The following PHACTR1 variants were observed in gnomAD, a reference collection of about 807,000 sequenced individuals.
PHACTR1 encodes the protein RPEL repeat containing 1.
A neutral mutation model predicts 69.2 loss-of-function variants in PHACTR1; 16 were observed. The observed-to-expected ratio is 0.23, with a 90% CI of 0.16 to 0.35. The LOEUF is 0.35. Among genes scored for constraint, PHACTR1 ranks in the 10% least tolerant of loss-of-function variants. The pLI is 1.00. For missense variants in PHACTR1, 510 were observed against 734.7 expected (o/e 0.69, Z 3.54); for synonymous variants, 312 against 284.5 (o/e 1.10, Z -0.97).
At chr6:13,028,207 C>T (rs1392608175) in intron 4 of PHACTR1, among the ~76,000 whole-genome samples, 27 of 152,198 alleles carry the variant, frequency 1.8e-4, no homozygotes, top group African/African-American at 2.4e-5. Flanking sequence ...TAATGTGCTG[C>T]GTTAGAATCT....
chr6:12,759,925 G>A (rs566958650), intron 4 of PHACTR1, among the ~76,000 whole-genome samples: 4 of 152,288 alleles, frequency 2.6e-5, no homozygotes, highest in Non-Finnish European at 5.9e-5. Context: ...GTATGACTTT[G>A]AGCAAGGCAT....
intron 4 of PHACTR1, among the ~76,000 whole-genome samples, chr6:12,977,179 TG>T (rs981811998): frequency 6.6e-6 from 1 of 152,172 alleles, no homozygotes; most frequent in Non-Finnish European, 1.5e-5. Context: ...CTTGAACTCT[TG>T]ACCTCAGGTG....
chr6:12,801,424 T>C (rs916422656), intron 4 of PHACTR1, among the ~76,000 whole-genome samples: 2 of 152,216 alleles, frequency 1.3e-5, no homozygotes, highest in Non-Finnish European at 2.9e-5. Context: ...CATCTCATTA[T>C]CAAAAGAATG....
intron 5 of PHACTR1, among the ~76,000 whole-genome samples, chr6:13,073,588 C>T (rs1181730898): frequency 3.3e-5 from 5 of 151,580 alleles, no homozygotes; most frequent in South Asian, 2.1e-4. Context: ...GTGATCTGCC[C>T]GCTTCAGCCT....
At chr6:12,727,542 A>G (rs1285952377) in intron 3 of PHACTR1, among the ~76,000 whole-genome samples, 1 of 152,224 alleles carries the variant, frequency 6.6e-6, no homozygotes, top group African/African-American at 2.4e-5. Flanking sequence ...CGAGAGCCAG[A>G]GAAGAAGAAA....
chr6:12,792,522 T>TA (rs1369929787), intron 4 of PHACTR1, among the ~76,000 whole-genome samples: 1 of 39,426 alleles, frequency 2.5e-5, no homozygotes, highest in East Asian at 1.2e-3. Context: ...CCTGAAAAAA[T>TA]AAAAATATAT....
chr6:12,951,512 CT>C (rs1418398775), intron 4 of PHACTR1, among the ~76,000 whole-genome samples: 1 of 152,224 alleles, frequency 6.6e-6, no homozygotes, highest in Non-Finnish European at 1.5e-5. Context: ...GATGAGGAAA[CT>C]GAGGCTCTCA....
intron 3 of PHACTR1, among the ~76,000 whole-genome samples, chr6:12,724,475 T>A (rs1379774491): frequency 6.6e-6 from 1 of 152,220 alleles, no homozygotes; most frequent in Non-Finnish European, 1.5e-5. Flanking sequence ...AACCGAAGAC[T>A]GATGAGGTGA....
chr6:12,915,582 C>A, intron 4 of PHACTR1, among the ~76,000 whole-genome samples: 1 of 151,370 alleles, frequency 6.6e-6, no homozygotes, highest in Non-Finnish European at 1.5e-5. Flanking sequence ...CCAGTACCCT[C>A]CATGGACATA....
chr6:13,076,779 G>A (rs1810544599), intron 5 of PHACTR1, among the ~76,000 whole-genome samples: 2 of 152,080 alleles, frequency 1.3e-5, no homozygotes, highest in East Asian at 3.9e-4. Context: ...AGGAAGAAAT[G>A]CTGCAAAGTC....
At chr6:13,067,600 G>T (rs1167446119) in intron 5 of PHACTR1, among the ~76,000 whole-genome samples, 1 of 152,202 alleles carries the variant, frequency 6.6e-6, no homozygotes, top group Admixed American at 6.5e-5. Context: ...CTAGTTCAAT[G>T]CCATGTACTT....
At chr6:12,986,470 G>A (rs1796200334) in intron 4 of PHACTR1, among the ~76,000 whole-genome samples, 2 of 152,174 alleles carry the variant, frequency 1.3e-5, no homozygotes, top group South Asian at 4.1e-4. Flanking sequence ...CTACTGTATG[G>A]TTTCAGTCTT....
At chr6:12,852,476 A>G (rs1046891729) in intron 4 of PHACTR1, among the ~76,000 whole-genome samples, 2 of 152,146 alleles carry the variant, frequency 1.3e-5, no homozygotes, top group African/African-American at 2.4e-5. Flanking sequence ...CCGTTACCCA[A>G]AGTGGCAGAA....
intron 8 of PHACTR1, among the ~76,000 whole-genome samples, chr6:13,226,824 G>A (rs1769819599): frequency 6.8e-6 from 1 of 147,564 alleles, no homozygotes. Flanking sequence ...TGCAACCTCT[G>A]CCTCCCAGGC....
intron 4 of PHACTR1, among the ~76,000 whole-genome samples, chr6:12,949,444 A>C (rs766772692): frequency 1.3e-5 from 2 of 152,138 alleles, no homozygotes; most frequent in Admixed American, 6.6e-5. Context: ...CTCTCTTAGC[A>C]TAAGTGCTCA....
At chr6:13,027,270 GT>G (rs1293130496) in intron 4 of PHACTR1, among the ~76,000 whole-genome samples, 1 of 152,176 alleles carries the variant, frequency 6.6e-6, no homozygotes, top group Admixed American at 6.5e-5. Flanking sequence ...TCCTGCAAAA[GT>G]TTAAATTAGC....
At chr6:13,049,231 G>A (rs1226435195) in intron 4 of PHACTR1, among the ~76,000 whole-genome samples, 6 of 149,212 alleles carry the variant, frequency 4.0e-5, no homozygotes, top group East Asian at 1.9e-4. Flanking sequence ...ATGGAAAAGC[G>A]TTTCGGTTCT....
At chr6:12,838,955 A>C (rs2127739595) in intron 4 of PHACTR1, among the ~76,000 whole-genome samples, 1 of 152,308 alleles carries the variant, frequency 6.6e-6, no homozygotes, top group Middle Eastern at 3.4e-3. Context: ...TGCTGCTGCC[A>C]ATGATGATGG....
At chr6:12,821,939 A>G (rs765783551) in intron 4 of PHACTR1, among the ~76,000 whole-genome samples, 2 of 152,084 alleles carry the variant, frequency 1.3e-5, no homozygotes, top group Non-Finnish European at 2.9e-5. Flanking sequence ...TATTCTGAAA[A>G]CTCTTTGAAA....
Sources: gnomAD v4.1 joint callset for allele counts (sites outside exome capture counted in the v4.1 genomes callset) on GRCh38, gnomAD v4.1.1 for gene constraint, MANE v1.5 for transcripts, NCBI Gene and HGNC (gene_info 2026-07-23, HGNC 2026-07-21) for gene names.